CSMD1: variants seen among roughly 807,000 people sequenced by gnomAD.
The protein encoded by CSMD1 is CUB and Sushi multiple domains 1.
In CSMD1, 213 loss-of-function variants were observed where a neutral mutation model predicts 417.5. The observed-to-expected ratio is 0.51, with a 90% CI of 0.46 to 0.57. The LOEUF is 0.57. Among genes scored for constraint, CSMD1 ranks in the 20% least tolerant of loss-of-function variants. CSMD1 has a pLI of 0.00. For missense variants in CSMD1, 6,923 were observed against 4,529.7 expected (o/e 1.53, Z -15.17); for synonymous variants, 2,862 against 1,736.8 (o/e 1.65, Z -16.11).
intron 3 of CSMD1, among the ~76,000 whole-genome samples, chr8:4,089,123 G>T (rs949470674): frequency 2.6e-5 from 4 of 152,136 alleles, no homozygotes; most frequent in Non-Finnish European, 5.9e-5. Flanking sequence ...TCCTCTCAGG[G>T]ATTCCAGTGC....
chr8:4,193,889 C>A (rs1276491843), intron 3 of CSMD1, among the ~76,000 whole-genome samples: 2 of 151,772 alleles, frequency 1.3e-5, no homozygotes, highest in African/African-American at 4.9e-5. Context: ...GAACTGGCCA[C>A]CTCCACGAAG....
chr8:4,359,929 G>C (rs141999722), intron 3 of CSMD1, among the ~76,000 whole-genome samples: 1,649 of 152,250 alleles, frequency 0.011, 13 homozygotes, highest in Non-Finnish European at 0.016. Flanking sequence ...AACGTTCAGT[G>C]AAAGAATGCT....
chr8:4,087,237 T>G (rs1357967449), intron 3 of CSMD1, among the ~76,000 whole-genome samples: 1 of 152,126 alleles, frequency 6.6e-6, no homozygotes, highest in Non-Finnish European at 1.5e-5. Flanking sequence ...AACGGCTAAG[T>G]CCACCATGGC....
chr8:3,127,313 C>T (rs372044415), intron 41 of CSMD1: 1 of 152,174 alleles, frequency 6.6e-6, no homozygotes, highest in Non-Finnish European at 1.5e-5. Context: ...AGTAAGCACC[C>T]TTGCCCTGTT....
intron 5 of CSMD1, among the ~76,000 whole-genome samples, chr8:3,802,566 G>C (rs1005946315): frequency 3.3e-5 from 5 of 152,110 alleles, no homozygotes; most frequent in Non-Finnish European, 5.9e-5. Flanking sequence ...ACTTAGTTAA[G>C]GGGAGAAATA....
chr8:4,746,074 C>G (rs987933803), intron 1 of CSMD1, among the ~76,000 whole-genome samples: 3 of 152,152 alleles, frequency 2.0e-5, no homozygotes, highest in African/African-American at 7.2e-5. Flanking sequence ...ACTGTCAGCC[C>G]CTCACATCAG....
At chr8:4,760,776 T>A (rs866375316) in intron 1 of CSMD1, among the ~76,000 whole-genome samples, 1 of 152,164 alleles carries the variant, frequency 6.6e-6, no homozygotes. Context: ...TAGAACTAAA[T>A]TTAGATCTGT....
At chr8:3,120,614 C>T (rs143609575) in intron 41 of CSMD1, among the ~76,000 whole-genome samples, 1,931 of 151,810 alleles carry the variant, frequency 0.013, 45 homozygotes, top group African/African-American at 0.045. Context: ...TTTGGGAGGC[C>T]GAAGCGGGTG....
At chr8:4,082,923 G>C (rs956536904) in intron 3 of CSMD1, among the ~76,000 whole-genome samples, 1 of 151,856 alleles carries the variant, frequency 6.6e-6, no homozygotes, top group South Asian at 2.1e-4. Context: ...TTTCATCCAT[G>C]TCCTTACAAA....
chr8:3,115,576 T>C (rs1816818688), intron 42 of CSMD1, among the ~76,000 whole-genome samples: 1 of 152,208 alleles, frequency 6.6e-6, no homozygotes, highest in African/African-American at 2.4e-5. Context: ...AAATAATGTC[T>C]TCAATTTCTC....
At chr8:4,390,480 C>A (rs1037693321) in intron 3 of CSMD1, among the ~76,000 whole-genome samples, 1 of 71,986 alleles carries the variant, frequency 1.4e-5, no homozygotes, top group Non-Finnish European at 2.9e-5. Context: ...AAAACTGTTA[C>A]CCACAGAAGC....
Position 4,441,095 on chromosome 8 carries a change from G to GTTTTTTTTTTTTTTTGTTTTTTT in CSMD1, c.303-21031_303-21030insAAAAAAACAAAAAAAAAAAAAAA, listed in dbSNP as rs1798445460. ...AATAATTTGACTCGTTAATCAAAAG[G>GTTTTTTTTTTTTTTTGTTTTTTT]TTTTTTTTTTTTTTTTTTTTTTTAA... On this transcript the variant is annotated intron_variant, in intron 2 of 69. Coordinates refer to ENST00000635120, the MANE Select transcript of CSMD1 (RefSeq NM_033225.6). Among the ~76,000 whole-genome samples, 2 of 51,294 alleles carry GTTTTTTTTTTTTTTTGTTTTTTT rather than the reference G, an allele frequency of 3.9e-5. 1 individual carries two copies. The highest frequency in any genetic ancestry group is 1.4e-3 in the East Asian group (2 of 1,480). The allele number at this position is 51,294 out of a possible 152,430, so 33.7% of individuals were successfully genotyped here.
At chr8:4,659,495 G>C (rs74506068) in intron 1 of CSMD1, among the ~76,000 whole-genome samples, 5,008 of 152,232 alleles carry the variant, frequency 0.033, 125 homozygotes, top group East Asian at 0.12. Flanking sequence ...CTGCACCATG[G>C]ATGAACCTTG....
At chr8:3,240,888 T>C (rs68178230) in intron 26 of CSMD1, among the ~76,000 whole-genome samples, 47,886 of 151,854 alleles carry the variant, frequency 0.32, 8,007 homozygotes, top group East Asian at 0.46. Context: ...TTATAGGCTT[T>C]AAGAGGTCAT....
At chr8:4,823,899 C>T (rs1799660243) in intron 1 of CSMD1, among the ~76,000 whole-genome samples, 1 of 151,920 alleles carries the variant, frequency 6.6e-6, no homozygotes, top group Non-Finnish European at 1.5e-5. Context: ...GAGAAATACT[C>T]TTAACAAGAG....
rs73500652 is a variant in CSMD1 at position 4,285,694 on chromosome 8, C to T, written c.415+134259G>A. On this transcript the variant is annotated intron_variant, in intron 3 of 69. Transcript: ENST00000635120. The stretch of plus-strand genomic sequence containing the variant: ...AGTGGTGTAGGAAGAATGGAGCTTT[C>T]CAGAACTAGTAAAACAGTCAGGGCC... Among the ~76,000 whole-genome samples, 190 of 152,252 alleles carry T rather than the reference C, an allele frequency of 1.2e-3. 1 individual carries two copies. Among genetic ancestry groups the T allele is most frequent in the African/African-American group, 4.3e-3 (180 of 41,562 alleles).
chr8:3,880,525 G>A (rs558451520), intron 5 of CSMD1, among the ~76,000 whole-genome samples: 3 of 152,058 alleles, frequency 2.0e-5, no homozygotes, highest in Non-Finnish European at 4.4e-5. Context: ...CTAAAGCCAC[G>A]TAGTTTATTT....
chr8:4,172,400 T>G (rs1443257384), intron 3 of CSMD1, among the ~76,000 whole-genome samples: 1 of 152,046 alleles, frequency 6.6e-6, no homozygotes, highest in Non-Finnish European at 1.5e-5. Flanking sequence ...AAATAGCCAG[T>G]GGGTCTCATG....
intron 1 of CSMD1, among the ~76,000 whole-genome samples, chr8:4,714,913 A>G (rs929449698): frequency 2.0e-5 from 3 of 152,242 alleles, no homozygotes; most frequent in African/African-American, 7.2e-5. Context: ...ACTATGATCC[A>G]TAGCAGACTT....
Sources: allele counts gnomAD v4.1 joint callset (sites outside exome capture counted in the v4.1 genomes callset), GRCh38; gene constraint gnomAD v4.1.1; transcripts MANE v1.5; gene names NCBI Gene and HGNC (gene_info 2026-07-23, HGNC 2026-07-21).